The following STPG1 variants were observed in gnomAD, a reference collection of about 807,000 sequenced individuals.
STPG1 encodes O(6)-methylguanine-induced apoptosis 2.
Under a neutral mutation model 40.1 loss-of-function variants are expected in STPG1, and 33 were observed. The ratio of observed to expected loss-of-function variants is 0.82; its 90% CI spans 0.62 to 1.10. The LOEUF is 1.10. Among genes scored for constraint, STPG1 ranks in the 50% least tolerant of loss-of-function variants. The pLI, the probability that STPG1 is intolerant of heterozygous loss-of-function variation, is 0.00. For synonymous variants in STPG1, 150 were observed against 155.0 expected (o/e 0.97, Z 0.24); for missense variants, 396 against 415.1 (o/e 0.95, Z 0.40).
intron 3 of STPG1, among the ~76,000 whole-genome samples, chr1:24,384,725 G>C (rs1642432685): frequency 6.6e-6 from 1 of 152,178 alleles, no homozygotes; most frequent in Non-Finnish European, 1.5e-5. Flanking sequence ...TGCTAAGGAT[G>C]CTCCACTGTG....
chr1:24,395,491 G>A (rs1299092419), intron 2 of STPG1, among the ~76,000 whole-genome samples: 1 of 146,692 alleles, frequency 6.8e-6, no homozygotes, highest in Non-Finnish European at 1.5e-5. Context: ...GGAGTGCAAT[G>A]GCGCTATCTC....
intron 7 of STPG1, chr1:24,364,103 G>T (rs1398524647): frequency 9.0e-6 from 13 of 1,449,722 alleles, no homozygotes; most frequent in Non-Finnish European, 1.2e-5. Flanking sequence ...CCATGCCTTT[G>T]TCCCTGCTGT....
intron 1 of STPG1, among the ~76,000 whole-genome samples, chr1:24,409,953 A>G (rs1053001179): frequency 6.6e-6 from 1 of 152,236 alleles, no homozygotes; most frequent in Non-Finnish European, 1.5e-5. Flanking sequence ...GGCAAGAAAA[A>G]AACTGTATTC....
intron 2 of STPG1, among the ~76,000 whole-genome samples, chr1:24,394,280 T>C (rs954347041): frequency 2.6e-5 from 4 of 152,152 alleles, no homozygotes; most frequent in Admixed American, 1.3e-4. Flanking sequence ...ACCCCTAGAC[T>C]AAATACTGCT....
At chr1:24,395,971 A>G (rs1285587036) in intron 2 of STPG1, among the ~76,000 whole-genome samples, 1 of 127,892 alleles carries the variant, frequency 7.8e-6, no homozygotes, top group African/African-American at 2.8e-5. Flanking sequence ...CGACACAGCA[A>G]GGCTCCATCT....
chr1:24,364,573 G>A (rs1641333563), intron 7 of STPG1: 1 of 902,044 alleles, frequency 1.1e-6, no homozygotes, highest in Non-Finnish European at 1.5e-6. Context: ...CCTATCCCGG[G>A]AACATTTGCT....
rs772384019 is a variant in STPG1, at chr1:24,360,940, G to A, written c.839C>T (p.Pro280Leu). Residue 280 changes from proline to leucine, a missense_variant, in exon 8 of 9, where the codon CCC becomes CTC. Transcript: ENST00000337248. The stretch of plus-strand genomic sequence containing the variant: ...TGCACTAGAGATGAAATGCTTGCGG[G>A]GGCCTAAGTAGTCCACGATCTCATA... ...GQYEIVDYLG[P>L]RKHFISSASF... 3.7e-6 allele frequency: 6 copies of A among 1,614,076 alleles called. No individual in the cohort carries two copies. Among genetic ancestry groups the A allele is most frequent in the East Asian group, 2.2e-5 (1 of 44,886 alleles).
At position 24,373,582 on chromosome 1, in the gene STPG1, C is replaced by T. The variant is rs1223605428; in HGVS notation, c.571+120G>A. 6 of 705,032 alleles carry T rather than the reference C, an allele frequency of 8.5e-6. No homozygotes were observed. In the East Asian group the frequency reaches 1.2e-4, roughly 15 times the overall value. 43.7% of individuals were successfully genotyped at this position (705,032 alleles called of 1,614,324 possible). On this transcript the variant is annotated intron_variant, in intron 6 of 8. Coordinates refer to ENST00000337248, the MANE Select transcript of STPG1 (RefSeq NM_001199013.2). Reference sequence around the variant, plus strand: ...CTCTTTGTTCAGTACCTGCCTGCTACTCCTCCCCACCCAAAGACTAAATCC... The same window carrying T: ...CTCTTTGTTCAGTACCTGCCTGCTATTCCTCCCCACCCAAAGACTAAATCC...
At chr1:24,373,383 C>G (rs1570010472) in intron 6 of STPG1, among the ~76,000 whole-genome samples, 1 of 152,146 alleles carries the variant, frequency 6.6e-6, no homozygotes, top group East Asian at 1.9e-4. Context: ...CTAATGGCAG[C>G]TGGGGTATAC....
chr1:24,407,058 G>A (rs1454549775), intron 1 of STPG1, among the ~76,000 whole-genome samples: 1 of 152,090 alleles, frequency 6.6e-6, no homozygotes, highest in African/African-American at 2.4e-5. Flanking sequence ...TGTTTCCTCA[G>A]TATTTCCCCA....
chr1:24,415,009 C>A (rs1475852334), upstream of STPG1: 2 of 152,198 alleles, frequency 1.3e-5, no homozygotes, highest in Non-Finnish European at 2.9e-5. Flanking sequence ...GAGACTAGAA[C>A]TGCCTCTTTC....
At chr1:24,409,999 C>T (rs1390094659) in intron 1 of STPG1, among the ~76,000 whole-genome samples, 1 of 152,190 alleles carries the variant, frequency 6.6e-6, no homozygotes, top group Non-Finnish European at 1.5e-5. Context: ...AATAAAACTT[C>T]TATCCATCAA....
chr1:24,388,785 G>T (rs1316833609), intron 3 of STPG1, among the ~76,000 whole-genome samples: 1 of 152,162 alleles, frequency 6.6e-6, no homozygotes, highest in East Asian at 1.9e-4. Context: ...ACTTCTCAAT[G>T]GCCATTTCCC....
At chr1:24,389,383 G>A (rs530300948) in intron 3 of STPG1, among the ~76,000 whole-genome samples, 7 of 152,156 alleles carry the variant, frequency 4.6e-5, no homozygotes, top group Admixed American at 1.3e-4. Context: ...ACAGCTTTGC[G>A]GGCCACAAAG....
chr1:24,391,909 G>A, intron 2 of STPG1: 1 of 1,269,964 alleles, frequency 7.9e-7, no homozygotes, highest in Non-Finnish European at 9.9e-7. Context: ...AGTGAGATGT[G>A]GTCACATAAA....
At chr1:24,364,405 G>A (rs764307330) in intron 7 of STPG1, 48 of 1,506,324 alleles carry the variant, frequency 3.2e-5, no homozygotes, top group South Asian at 1.3e-4. Flanking sequence ...GAAGGACGAC[G>A]GCAGGTCACA....
chr1:24,358,236 T>C lies in STPG1; in HGVS notation c.*307A>G, dbSNP rs961413923. 7 of 594,568 alleles carry C rather than the reference T, an allele frequency of 1.2e-5. No homozygotes were observed. The highest frequency in any genetic ancestry group is 1.5e-5 in the South Asian group (1 of 65,780). The allele number at this position is 594,568 out of a possible 1,614,324, so 36.8% of individuals were successfully genotyped here. A position where few individuals can be genotyped will look rare whatever the true frequency, so the allele number is the denominator to read the frequency against. On this transcript the variant is annotated 3_prime_UTR_variant, in exon 9 of 9. Transcript: ENST00000337248. The stretch of plus-strand genomic sequence containing the variant: ...AGTCCCTTCAGTCTGCGGCAGGGAG[T>C]CGTGCCGGAAGGCAGCCTGGATGGG...
Position 24,407,147 on chromosome 1 carries a change from A to G in STPG1, c.-68-5691T>C, listed in dbSNP as rs138792680. ...ACTTTGACTATTCTATGTGCCTCTC[A>G]GCAATTTTATTTTCATGGTACCTTG... On this transcript the variant is annotated intron_variant, in intron 1 of 8. Transcript: ENST00000337248. Among the ~76,000 whole-genome samples the G allele has an allele frequency of 1.6e-4, 25 of 152,228 alleles. No individual in the cohort carries two copies. In the East Asian group the frequency reaches 4.8e-3, roughly 29 times the overall value.
intron 7 of STPG1, among the ~76,000 whole-genome samples, chr1:24,362,866 C>T (rs1641214101): frequency 6.6e-6 from 1 of 152,234 alleles, no homozygotes; most frequent in Non-Finnish European, 1.5e-5. Flanking sequence ...GGGGGACATG[C>T]TGCCTCCCTG....
Sources: gnomAD v4.1 joint callset for allele counts (sites outside exome capture counted in the v4.1 genomes callset) on GRCh38, gnomAD v4.1.1 for gene constraint, MANE v1.5 for transcripts, NCBI Gene and HGNC (gene_info 2026-07-23, HGNC 2026-07-21) for gene names.